ADCY10: variants seen among roughly 807,000 people sequenced by gnomAD.
The protein encoded by ADCY10 is adenylate cyclase type 10.
Under a neutral mutation model 183.3 loss-of-function variants are expected in ADCY10, and 156 were observed. The ratio of observed to expected loss-of-function variants is 0.85; its 90% CI spans 0.75 to 0.97. ADCY10 has a LOEUF of 0.97. Among genes scored for constraint, ADCY10 ranks in the 50% least tolerant of loss-of-function variants. ADCY10 has a pLI of 0.00. For synonymous variants in ADCY10, 645 were observed against 670.0 expected (o/e 0.96, Z 0.58); for missense variants, 1,745 against 1,934.3 (o/e 0.90, Z 1.84).
chr1:167,903,786 G>T, intron 3 of ADCY10, 101 bp downstream of exon 3: 1 of 818,410 alleles, frequency 1.2e-6, no homozygotes, highest in Non-Finnish European at 2.1e-6. Flanking sequence ...GGGAAGAGGA[G>T]GAGTGCTAAG....
At chr1:167,878,307 G>T in intron 12 of ADCY10, 139 bp downstream of exon 12, 1 of 899,820 alleles carries the variant, frequency 1.1e-6, no homozygotes, top group Non-Finnish European at 1.8e-6. Flanking sequence ...GGATTTTGAA[G>T]TCTGGGCCTT....
At position 167,914,023 on chromosome 1, in the gene ADCY10, T is replaced by TAGG. The variant is rs1311494099; in HGVS notation, c.-109_-107dup. The TAGG allele has an allele frequency of 6.6e-6, 1 of 152,350 alleles. No individual in the cohort carries two copies. The highest frequency in any genetic ancestry group is 1.9e-4 in the East Asian group (1 of 5,202). The allele number at this position is 152,350 out of a possible 1,614,324, so 9.4% of individuals were successfully genotyped here. A position where few individuals can be genotyped will look rare whatever the true frequency, so the allele number is the denominator to read the frequency against. On this transcript the variant is annotated 5_prime_UTR_variant, in exon 1 of 33. Coordinates refer to ENST00000367851, the MANE Select transcript of ADCY10 (RefSeq NM_018417.6). ...GAAAAGCCAGACCTCAGTTAGGGAC[T>TAGG]AGGTCTTTTAAGACTGCAGAAGACA...
At chr1:167,861,287 C>T (rs574841372) in intron 14 of ADCY10, among the ~76,000 whole-genome samples, 24 of 152,148 alleles carry the variant, frequency 1.6e-4, no homozygotes, top group Non-Finnish European at 2.9e-4. Flanking sequence ...CTTTCTAGTC[C>T]TACTGCCACC....
rs759475759 is a variant in ADCY10, at chr1:167,883,593, C to A, written c.864G>T (p.Glu288Asp). The A allele has an allele frequency of 5.6e-6, 9 of 1,614,216 alleles. No individual in the cohort carries two copies. In the South Asian group the frequency reaches 9.9e-5, roughly 18 times the overall value. The change falls in exon 9 of 33, where the codon GAG becomes GAT. Residue 288 changes from glutamate to aspartate, a missense_variant. Transcript: ENST00000367851. ...DNKQLQGYLSELRPVTIVFVN... is the reference protein window; with the variant it reads ...DNKQLQGYLSDLRPVTIVFVN... ...CAAACACAATCGTCACTGGGCGAAG[C>A]TCAGATAAATAGCCCTGAAGCTGTT...
intron 8 of ADCY10, 51 bp from the exon 9 acceptor site, chr1:167,883,679 C>A: frequency 6.4e-7 from 1 of 1,563,904 alleles, no homozygotes; most frequent in African/African-American, 1.4e-5. Flanking sequence ...GTGGATCCCT[C>A]CCCCAACACC....
At position 167,893,940 on chromosome 1, in the gene ADCY10, G is replaced by A; in HGVS notation, c.741C>T (p.Asn247=). The A allele has an allele frequency of 6.2e-7, 1 of 1,612,434 alleles. No individual in the cohort carries two copies. The highest frequency in any genetic ancestry group is 1.1e-5 in the South Asian group (1 of 91,034). The change falls in exon 8 of 33, where the codon AAC becomes AAT. Residue 247 remains asparagine (N), a splice_region_variant and synonymous_variant. Coordinates refer to ENST00000367851, the MANE Select transcript of ADCY10 (RefSeq NM_018417.6). The stretch of plus-strand genomic sequence containing the variant: ...TCAGCGTGCATGCAAGCCTCAGGAG[G>A]TCTAAGAAGGCAGAAGGAGGGTGCA... The part of the protein sequence containing the change: ...MHYYPSGEHK[N]LLRLACTLKP...
chr1:167,829,248 A>G lies in ADCY10; in HGVS notation c.3750+19T>C. The G allele has an allele frequency of 6.2e-7, 1 of 1,613,804 alleles. No homozygotes were observed. Among genetic ancestry groups the G allele is most frequent in the Non-Finnish European group, 8.5e-7 (1 of 1,179,794 alleles). ...ATGAAATTCAGAAACTTAAAGGAGCAGCTACAAAAATCCCCTACCTGGAAA... is the reference window on the plus strand; with the variant it reads ...ATGAAATTCAGAAACTTAAAGGAGCGGCTACAAAAATCCCCTACCTGGAAA... On this transcript the variant is annotated intron_variant, in intron 26 of 32. Transcript: ENST00000367851.
chr1:167,851,165 A>G (rs1265341286), intron 18 of ADCY10, among the ~76,000 whole-genome samples: 2 of 151,964 alleles, frequency 1.3e-5, no homozygotes, highest in Admixed American at 6.6e-5. Context: ...TTCTAAAAAT[A>G]TTGACACTCT....
intron 25 of ADCY10, among the ~76,000 whole-genome samples, chr1:167,830,749 A>G (rs553563875): frequency 3.9e-5 from 6 of 152,292 alleles, no homozygotes; most frequent in Admixed American, 3.9e-4. Flanking sequence ...TTGGGCCCCC[A>G]AAATCACTAA....
rs753141307 is a variant in ADCY10, at chr1:167,823,157, G to A, written c.4053-34C>T. 2.1e-5 allele frequency: 33 copies of A among 1,586,038 alleles called. No individual in the cohort carries two copies. In the Admixed American group the frequency reaches 4.8e-4, roughly 23 times the overall value. ...AAGAAAAGGTAGTGGCCATTAAAAA[G>A]TGGTGGATATTGTAATCCCAGCACT... On this transcript the variant is annotated intron_variant, in intron 28 of 32. Coordinates refer to ENST00000367851, the MANE Select transcript of ADCY10 (RefSeq NM_018417.6).
At chr1:167,821,238 G>T (rs985818386) in intron 30 of ADCY10, 1 of 152,450 alleles carries the variant, frequency 6.6e-6, no homozygotes, top group African/African-American at 2.4e-5. Flanking sequence ...AAACGTAGTA[G>T]GTTAAAGGAA....
At chr1:167,886,817 G>C (rs1449450020) in intron 8 of ADCY10, among the ~76,000 whole-genome samples, 2 of 152,078 alleles carry the variant, frequency 1.3e-5, no homozygotes. Context: ...CTAATATCCA[G>C]AATCTACAAA....
At chr1:167,825,202 T>C (rs1663191880) in intron 26 of ADCY10, among the ~76,000 whole-genome samples, 1 of 152,198 alleles carries the variant, frequency 6.6e-6, no homozygotes, top group African/African-American at 2.4e-5. Flanking sequence ...TAGTTATATA[T>C]TTGTTGGGGG....
intron 1 of ADCY10, among the ~76,000 whole-genome samples, chr1:167,911,068 G>A (rs1670121074): frequency 6.6e-6 from 1 of 152,170 alleles, no homozygotes; most frequent in African/African-American, 2.4e-5. Flanking sequence ...AGTGGGTTAG[G>A]TTTATTCTTT....
chr1:167,848,505 A>G lies in ADCY10; in HGVS notation c.2309-16T>C, dbSNP rs772683002. On this transcript the variant is annotated splice_polypyrimidine_tract_variant and intron_variant, in intron 18 of 32. Transcript: ENST00000367851. ...ATGGAATACTCTACAGGGGTATAAA[A>G]GGGAAGAAAAGTTGAGTCATTATCC... 8.7e-6 allele frequency: 14 copies of G among 1,613,098 alleles called. No homozygotes were observed. The highest frequency in any genetic ancestry group is 1.7e-4 in the Middle Eastern group (1 of 6,034).
At chr1:167,837,789 T>C (rs1221522522) in intron 21 of ADCY10, among the ~76,000 whole-genome samples, 1 of 152,204 alleles carries the variant, frequency 6.6e-6, no homozygotes. Context: ...ATAAAAACTA[T>C]GAATTAAACC....
chr1:167,858,458 A>G (rs1666056982), intron 16 of ADCY10, among the ~76,000 whole-genome samples: 1 of 142,706 alleles, frequency 7.0e-6, no homozygotes, highest in Non-Finnish European at 1.5e-5. Context: ...AGACCGCACC[A>G]TTGCACTCCA....
chr1:167,862,240 G>T (rs879479505), intron 14 of ADCY10, among the ~76,000 whole-genome samples: 1 of 152,222 alleles, frequency 6.6e-6, no homozygotes, highest in Admixed American at 6.5e-5. Flanking sequence ...GCCTCAAAGT[G>T]TGACCTTATT....
intron 8 of ADCY10, among the ~76,000 whole-genome samples, chr1:167,886,475 T>C (rs920944526): frequency 4.0e-4 from 61 of 152,270 alleles, no homozygotes; most frequent in African/African-American, 1.4e-3. Flanking sequence ...TAAATGGTGC[T>C]GGGAAAACTG....
Sources: gnomAD v4.1 joint callset for allele counts (sites outside exome capture counted in the v4.1 genomes callset) on GRCh38, gnomAD v4.1.1 for gene constraint, MANE v1.5 for transcripts, NCBI Gene and HGNC (gene_info 2026-07-23, HGNC 2026-07-21) for gene names.